MSH6: variants seen among roughly 807,000 people sequenced by gnomAD.
MSH6 encodes mutS homolog 6, also known as DNA mismatch repair protein Msh6.
Under a neutral mutation model 119.1 loss-of-function variants are expected in MSH6, and 85 were observed. The ratio of observed to expected loss-of-function variants is 0.71; its 90% confidence interval spans 0.60 to 0.85. The LOEUF (loss-of-function observed/expected upper bound fraction) is 0.85. MSH6 is among the 40% of genes least tolerant of loss of function. MSH6 has a pLI of 0.00. For missense variants in MSH6, 2,163 were observed against 1,655.3 expected, an observed-to-expected ratio of 1.31 and a Z score of -5.32; for synonymous variants, 830 against 586.9, an observed-to-expected ratio of 1.41 and a Z score of -5.99.
At chr2:47,806,407 C>T (rs1030049224) in intron 8 of MSH6, 45 bp from the exon 9 acceptor site, 4 of 1,613,644 alleles carry the variant, frequency 2.5e-6, no homozygotes, top group African/African-American at 1.3e-5. Flanking sequence ...TGAGAGGGCA[C>T]TTCTCTTGCT....
chr2:47,809,589 C>G, downstream of MSH6: 1 of 1,587,810 alleles, frequency 6.3e-7, no homozygotes. Flanking sequence ...GTATAGCAGA[C>G]TCCAACATAC....
chr2:47,808,805 A>G (rs1223934417), downstream of MSH6: 3 of 258,024 alleles, frequency 1.2e-5, no homozygotes, highest in African/African-American at 6.7e-5. Flanking sequence ...ACATTACACA[A>G]CATGAGTTAC....
Position 47,802,950 on chromosome 2 carries a change from C to T in MSH6, c.3173-470C>T, listed in dbSNP as rs148848619. 6.9e-3 allele frequency among the ~76,000 whole-genome samples: 1,055 copies of T among 152,168 alleles called. 17 individuals are homozygous for T. Among genetic ancestry groups the T allele is most frequent in the Middle Eastern group, 0.027 (8 of 294 alleles). ...GTTTTTTGAGACAGAGTCTCTCTGT[C>T]GCCCAGGCTGGAGTGCATTGGTGCG... On this transcript the variant is annotated intron_variant, in intron 4 of 9. Transcript: ENST00000234420.
Position 47,805,695 on chromosome 2 carries a change from G to A in MSH6, c.3634G>A (p.Val1212Met), listed in dbSNP as rs864622748. The A allele has an allele frequency of 1.3e-5, 21 of 1,608,042 alleles. No homozygotes were observed. The highest frequency in any genetic ancestry group is 1.8e-5 in the Non-Finnish European group (21 of 1,174,910). The change falls in exon 7 of 10, where the codon GTG becomes ATG. Residue 1212 changes from valine to methionine, a missense_variant. Physicochemically the swap from Val to Met is conservative, Grantham distance 21 (BLOSUM62 1). Transcript: ENST00000234420. ...MHATAHSLVLVDELGRGTATF... is the reference protein window; with the variant it reads ...MHATAHSLVLMDELGRGTATF... ...TGCAACAGCACATTCTCTGGTGCTT[G>A]TGGATGAATTAGGTAAGACATTAAA...
At chr2:47,796,788 C>CT (rs1466904419) in intron 3 of MSH6, among the ~76,000 whole-genome samples, 1 of 152,106 alleles carries the variant, frequency 6.6e-6, no homozygotes, top group Non-Finnish European at 1.5e-5. Flanking sequence ...CAGTGAAACC[C>CT]TGTTTCTATA....
downstream of MSH6, chr2:47,808,008 T>TTTAA (rs1670344622): frequency 3.5e-5 from 35 of 1,012,868 alleles, 1 homozygote; most frequent in South Asian, 5.6e-4. Context: ...TGTATCCATT[T>TTTAA]TTAATACAGT....
At chr2:47,791,559 A>G (rs1399941033) in intron 2 of MSH6, among the ~76,000 whole-genome samples, 1 of 152,102 alleles carries the variant, frequency 6.6e-6, no homozygotes, top group Non-Finnish European at 1.5e-5. Context: ...TCCTGGAACC[A>G]TAACTTTCTT....
In MSH6 at chr2:47,800,975, T is replaced by A. The variant is rs730881800; in HGVS notation, c.2992T>A (p.Ser998Thr). 20 of 1,560,490 alleles carry A rather than the reference T, an allele frequency of 1.3e-5. No homozygotes were observed. Among genetic ancestry groups the A allele is most frequent in the Non-Finnish European group, 1.7e-5 (20 of 1,156,306 alleles). The change falls in exon 4 of 10, where the codon TCT becomes ACT. Residue 998 changes from serine (S) to threonine (T), a missense_variant. Ser to Thr is a moderately conservative substitution (Grantham distance 58). Coordinates refer to ENST00000234420, the MANE Select transcript of MSH6 (RefSeq NM_000179.3). ...RNLPEEYELK[S>T]TKKGCKRYWT... ...TTTGCCAGAAGAATACGAGTTGAAA[T>A]CTACCAAGAAGGGCTGTAAACGATA...
chr2:47,790,077 A>C (rs559097001), intron 1 of MSH6, among the ~76,000 whole-genome samples: 1 of 152,314 alleles, frequency 6.6e-6, no homozygotes, highest in East Asian at 1.9e-4. Context: ...TTTGTTGAGC[A>C]TACTGTATTT....
downstream of MSH6, chr2:47,809,912 T>G: frequency 1.8e-6 from 1 of 544,788 alleles, no homozygotes; most frequent in Non-Finnish European, 3.2e-6. Context: ...CAATTAACTT[T>G]CGCACCAACC....
At chr2:47,802,070 A>G (rs530080101) in intron 4 of MSH6, among the ~76,000 whole-genome samples, 1 of 152,228 alleles carries the variant, frequency 6.6e-6, no homozygotes, top group African/African-American at 2.4e-5. Context: ...TTGTTACACT[A>G]TCTGTTGATC....
rs1286659745 is a variant in MSH6 at position 47,799,148 on chromosome 2, C to T, written c.1165C>T (p.Pro389Ser). 1.2e-6 allele frequency: 2 copies of T among 1,614,046 alleles called. No individual in the cohort carries two copies. Among genetic ancestry groups the T allele is most frequent in the South Asian group, 2.2e-5 (2 of 91,066 alleles). Residue 389 changes from proline to serine, a missense_variant, in exon 4 of 10, where the codon CCC becomes TCC. By Grantham distance (74) the Pro-to-Ser change is moderately conservative. Coordinates refer to ENST00000234420, the MANE Select transcript of MSH6 (RefSeq NM_000179.3). ...RDEHRRRPDH[P>S]DFDASTLYVP... Reference sequence around the variant, plus strand: ...TGAGCACAGGAGGAGGCCTGATCACCCCGATTTTGATGCATCTACACTCTA... The same window carrying T: ...TGAGCACAGGAGGAGGCCTGATCACTCCGATTTTGATGCATCTACACTCTA...
In MSH6 at chr2:47,806,660, C is replaced by A. The variant is rs1467103778; in HGVS notation, c.4001+9C>A. ...TCACTACGATTATTTCGGTAACTAA[C>A]TAACTATAATGGAATTATAACTAAC... On this transcript the variant is annotated intron_variant, in intron 9 of 9. Transcript: ENST00000234420. The A allele has an allele frequency of 6.2e-7, 1 of 1,603,684 alleles. No homozygotes were observed. The highest frequency in any genetic ancestry group is 1.7e-5 in the Admixed American group (1 of 59,768).
downstream of MSH6, chr2:47,807,279 G>A (rs1224264178): frequency 4.5e-6 from 1 of 222,182 alleles, no homozygotes; most frequent in Non-Finnish European, 9.0e-6. Flanking sequence ...ACTTTCTAAA[G>A]TGTACTTAAA....
At chr2:47,791,939 C>T (rs772819197) in intron 2 of MSH6, among the ~76,000 whole-genome samples, 5 of 152,050 alleles carry the variant, frequency 3.3e-5, no homozygotes, top group Non-Finnish European at 7.4e-5. Context: ...CGCCACCTCC[C>T]GGGTTCAGGT....
At chr2:47,795,034 C>G (rs534561013) in intron 2 of MSH6, among the ~76,000 whole-genome samples, 1 of 152,158 alleles carries the variant, frequency 6.6e-6, no homozygotes, top group Non-Finnish European at 1.5e-5. Context: ...ACCTCGTGAT[C>G]TGCCTGCTTC....
chr2:47,799,090 T>C lies in MSH6; in HGVS notation c.1107T>C (p.Thr369=). The C allele has an allele frequency of 6.2e-7, 1 of 1,614,088 alleles. No homozygotes were observed. The highest frequency in any genetic ancestry group is 8.5e-7 in the Non-Finnish European group (1 of 1,180,006). The part of the protein sequence containing the change: ...SSRPTVWYHE[T]LEWLKEEKRR... ...GCCCTACTGTTTGGTATCATGAAACTTTAGAATGGCTTAAGGAGGAAAAGA... is the reference window on the plus strand; with the variant it reads ...GCCCTACTGTTTGGTATCATGAAACCTTAGAATGGCTTAAGGAGGAAAAGA... The change falls in exon 4 of 10, where the codon ACT becomes ACC. Residue 369 remains threonine (T), a synonymous_variant. Coordinates refer to ENST00000234420, the MANE Select transcript of MSH6 (RefSeq NM_000179.3).
chr2:47,809,143 A>AT (rs1670441241), downstream of MSH6: 2 of 1,450,802 alleles, frequency 1.4e-6, no homozygotes. Context: ...GGACTCAAAT[A>AT]TATTTCTAAG....
At chr2:47,804,082 A>T (rs116104596) in intron 5 of MSH6, among the ~76,000 whole-genome samples, 1,972 of 152,300 alleles carry the variant, frequency 0.013, 33 homozygotes, top group African/African-American at 0.043. Flanking sequence ...AATATAGTTC[A>T]TGACCTCTAG....
Sources: gnomAD v4.1 joint callset for allele counts (sites outside exome capture counted in the v4.1 genomes callset) on GRCh38, gnomAD v4.1.1 for gene constraint, MANE v1.5 for transcripts, NCBI Gene and HGNC (gene_info 2026-07-23, HGNC 2026-07-21) for gene names.